The following FAM107B variants were observed in gnomAD, a reference collection of about 807,000 sequenced individuals.
FAM107B encodes the protein protein FAM107B.
Under a neutral mutation model 31.5 loss-of-function variants are expected in FAM107B, and 21 were observed. The ratio of observed to expected loss-of-function variants is 0.67; its 90% CI spans 0.47 to 0.96. The LOEUF is 0.96. Ranked by LOEUF, FAM107B falls within the 40% of genes least tolerant of loss-of-function variation. The probability of loss-of-function intolerance (pLI) is 0.00; values close to 1 mark genes in which losing one functional copy is unlikely to be tolerated. For missense variants in FAM107B, 452 were observed against 377.1 expected, an observed-to-expected ratio of 1.20 and a Z score of -1.64; for synonymous variants, 157 against 141.5, an observed-to-expected ratio of 1.11 and a Z score of -0.78.
chr10:14,670,790 T>C (rs1183545269), intron 1 of FAM107B, among the ~76,000 whole-genome samples: 1 of 152,232 alleles, frequency 6.6e-6, no homozygotes, highest in Non-Finnish European at 1.5e-5. Context: ...GGAAATGCTC[T>C]TGGTTGGAGA....
chr10:14,661,755 T>G (rs1193873914), intron 2 of FAM107B: 1 of 152,248 alleles, frequency 6.6e-6, no homozygotes. Context: ...TGATTTTGGT[T>G]TGGCAGCTGC....
intron 1 of FAM107B, among the ~76,000 whole-genome samples, chr10:14,699,948 T>A (rs889545733): frequency 3.3e-5 from 5 of 152,126 alleles, no homozygotes; most frequent in Non-Finnish European, 7.3e-5. Context: ...TATTATTATT[T>A]TTGAGATGGA....
At chr10:14,612,662 C>T (rs1461909477) in intron 2 of FAM107B, 2 of 152,218 alleles carry the variant, frequency 1.3e-5, no homozygotes, top group Non-Finnish European at 2.9e-5. Flanking sequence ...CAAATAATTA[C>T]AAGGACAAAA....
At chr10:14,695,463 G>T (rs945546356) in intron 1 of FAM107B, among the ~76,000 whole-genome samples, 3 of 152,046 alleles carry the variant, frequency 2.0e-5, no homozygotes, top group Non-Finnish European at 4.4e-5. Context: ...GACAGCTTTG[G>T]CTATTTGGGT....
intron 2 of FAM107B, among the ~76,000 whole-genome samples, chr10:14,642,915 G>A (rs1430855459): frequency 1.3e-5 from 2 of 152,158 alleles, no homozygotes; most frequent in Admixed American, 6.5e-5. Context: ...CCTCATTTCT[G>A]AGACCTTGCC....
At chr10:14,717,876 G>A (rs1412888052) in intron 1 of FAM107B, among the ~76,000 whole-genome samples, 2 of 152,168 alleles carry the variant, frequency 1.3e-5, no homozygotes, top group African/African-American at 4.8e-5. Context: ...TGAACAACTG[G>A]AATGCACCAC....
intron 2 of FAM107B, among the ~76,000 whole-genome samples, chr10:14,634,385 G>T (rs1853444157): frequency 6.9e-6 from 1 of 144,898 alleles, no homozygotes; most frequent in African/African-American, 2.6e-5. Flanking sequence ...GGACCACAGA[G>T]CGAGACTCTG....
chr10:14,579,061 C>G (rs1331136616), intron 2 of FAM107B, among the ~76,000 whole-genome samples: 1 of 152,188 alleles, frequency 6.6e-6, no homozygotes. Context: ...CAGGAAAATT[C>G]CCGGTGACAA....
intron 2 of FAM107B, among the ~76,000 whole-genome samples, chr10:14,639,301 C>T (rs1240026375): frequency 6.6e-6 from 1 of 152,160 alleles, no homozygotes; most frequent in Non-Finnish European, 1.5e-5. Context: ...CCTCTTTCTC[C>T]TCTGAGCTCA....
At chr10:14,711,961 T>C (rs1374783379) in intron 1 of FAM107B, among the ~76,000 whole-genome samples, 4 of 152,182 alleles carry the variant, frequency 2.6e-5, no homozygotes, top group Non-Finnish European at 2.9e-5. Context: ...GTATCCCTGT[T>C]GTTAAGTGAC....
intron 1 of FAM107B, among the ~76,000 whole-genome samples, chr10:14,748,689 G>A (rs1041208605): frequency 1.3e-5 from 2 of 152,230 alleles, no homozygotes; most frequent in African/African-American, 4.8e-5. Context: ...TTGCAGCAGA[G>A]CGGTCACCAG....
intron 2 of FAM107B, among the ~76,000 whole-genome samples, chr10:14,563,800 A>T (rs1251645017): frequency 6.6e-6 from 1 of 152,242 alleles, no homozygotes; most frequent in African/African-American, 2.4e-5. Context: ...GACTGATTAC[A>T]GAAGCAGACA....
chr10:14,707,069 T>C (rs1855537119), intron 1 of FAM107B, among the ~76,000 whole-genome samples: 1 of 151,900 alleles, frequency 6.6e-6, no homozygotes, highest in South Asian at 2.1e-4. Context: ...GAGGTTGCAG[T>C]GAGCCGAGAT....
chr10:14,758,929 A>T (rs1042383125), intron 1 of FAM107B, among the ~76,000 whole-genome samples: 3 of 148,812 alleles, frequency 2.0e-5, no homozygotes, highest in African/African-American at 7.4e-5. Flanking sequence ...CTGTAATCCC[A>T]GCACTTTGGG....
intron 2 of FAM107B, among the ~76,000 whole-genome samples, chr10:14,612,703 C>T (rs1243931404): frequency 6.6e-6 from 1 of 152,104 alleles, no homozygotes. Flanking sequence ...ATAGAACTGT[C>T]CTTGTCTTTG....
At chr10:14,690,213 T>C (rs1437613101) in intron 1 of FAM107B, among the ~76,000 whole-genome samples, 1 of 152,190 alleles carries the variant, frequency 6.6e-6, no homozygotes, top group Non-Finnish European at 1.5e-5. Flanking sequence ...CAGATCTAAG[T>C]GACGGAGGAG....
intron 2 of FAM107B, among the ~76,000 whole-genome samples, chr10:14,544,610 CA>C (rs1198968325): frequency 3.3e-5 from 5 of 152,304 alleles, no homozygotes; most frequent in Non-Finnish European, 1.5e-5. Flanking sequence ...CAATGTGTAG[CA>C]AAAGGCCTTA....
chr10:14,738,228 G>A (rs1006024728), intron 1 of FAM107B, among the ~76,000 whole-genome samples: 1 of 152,166 alleles, frequency 6.6e-6, no homozygotes, highest in African/African-American at 2.4e-5. Flanking sequence ...GTGACACCAG[G>A]GTGCAGGTTA....
At chr10:14,607,425 G>A (rs911216115) in intron 2 of FAM107B, among the ~76,000 whole-genome samples, 1 of 152,134 alleles carries the variant, frequency 6.6e-6, no homozygotes, top group African/African-American at 2.4e-5. Flanking sequence ...GAGCCACTGT[G>A]GGGGGATCCC....
Sources: gnomAD v4.1 joint callset for allele counts (sites outside exome capture counted in the v4.1 genomes callset) on GRCh38, gnomAD v4.1.1 for gene constraint, MANE v1.5 for transcripts, NCBI Gene and HGNC (gene_info 2026-07-23, HGNC 2026-07-21) for gene names.